The following CLEC16A variants were observed in gnomAD, a reference collection of about 807,000 sequenced individuals.
The protein encoded by CLEC16A is protein CLEC16A.
Under a neutral mutation model 109.5 loss-of-function variants are expected in CLEC16A, and 51 were observed. The observed-to-expected ratio is 0.47, with a 90% CI of 0.37 to 0.59. CLEC16A has a LOEUF of 0.59. Among genes scored for constraint, CLEC16A ranks in the 20% least tolerant of loss-of-function variants. CLEC16A has a pLI of 0.00. For synonymous variants in CLEC16A, 673 were observed against 564.2 expected, an observed-to-expected ratio of 1.19 and a Z score of -2.73; for missense variants, 1,339 against 1,394.0, an observed-to-expected ratio of 0.96 and a Z score of 0.63.
intron 9 of CLEC16A, among the ~76,000 whole-genome samples, chr16:10,981,000 G>A (rs925591049): frequency 2.0e-5 from 3 of 152,186 alleles, no homozygotes; most frequent in Non-Finnish European, 4.4e-5. Flanking sequence ...AACAGAGTGT[G>A]GTGTAGGCAG....
intron 1 of CLEC16A, among the ~76,000 whole-genome samples, chr16:10,945,712 G>A (rs966267691): frequency 6.6e-6 from 1 of 152,228 alleles, no homozygotes; most frequent in Non-Finnish European, 1.5e-5. Context: ...GTGGCCAGTA[G>A]TGGTAGCTGT....
Position 11,060,914 on chromosome 16 carries a change from T to C in CLEC16A, c.2008T>C (p.Phe670Leu). The change falls in exon 19 of 24, where the codon TTC becomes CTC. Residue 670 changes from phenylalanine to leucine, a missense_variant. By Grantham distance (22) the Phe-to-Leu change is conservative (BLOSUM62 0). This residue lies in a region of CLEC16A where 1,061 missense variants were observed against 1,006.8 expected (regional missense o/e 1.05). Coordinates refer to ENST00000409790, the MANE Select transcript of CLEC16A (RefSeq NM_015226.3). ...ACTGTTGGTCCAGGCCATCCGGGTGTTCTTCATGCTGCGTTCCCTGTCACT... is the reference window on the plus strand; with the variant it reads ...ACTGTTGGTCCAGGCCATCCGGGTGCTCTTCATGCTGCGTTCCCTGTCACT... ...VEKTRRAIRV[F>L]FMLRSLSLQL... The C allele has an allele frequency of 1.2e-6, 2 of 1,611,326 alleles. No homozygotes were observed. The highest frequency in any genetic ancestry group is 8.5e-7 in the Non-Finnish European group (1 of 1,178,706).
intron 10 of CLEC16A, among the ~76,000 whole-genome samples, chr16:11,001,944 G>A (rs996725213): frequency 1.8e-4 from 27 of 152,136 alleles, no homozygotes; most frequent in African/African-American, 6.5e-4. Flanking sequence ...TTTCTTTCTG[G>A]TTATTTATGT....
chr16:11,030,803 C>T (rs1324266376), intron 13 of CLEC16A, among the ~76,000 whole-genome samples: 1 of 152,186 alleles, frequency 6.6e-6, no homozygotes, highest in African/African-American at 2.4e-5. Context: ...CGCCACCACG[C>T]CCGGCTGATT....
chr16:11,100,375 T>C (rs2050849081), intron 19 of CLEC16A, among the ~76,000 whole-genome samples: 1 of 152,204 alleles, frequency 6.6e-6, no homozygotes, highest in African/African-American at 2.4e-5. Context: ...AAGGCGGTGA[T>C]GCACACGGCC....
intron 1 of CLEC16A, among the ~76,000 whole-genome samples, chr16:10,947,892 C>T (rs1156979907): frequency 6.7e-6 from 1 of 149,034 alleles, no homozygotes; most frequent in Non-Finnish European, 1.5e-5. Context: ...CATCTGGAAA[C>T]CCTCTTCTTT....
intron 3 of CLEC16A, among the ~76,000 whole-genome samples, chr16:10,965,425 C>T (rs2042453769): frequency 6.6e-6 from 1 of 152,212 alleles, no homozygotes; most frequent in Non-Finnish European, 1.5e-5. Flanking sequence ...GAATTCAACC[C>T]TAACGATCCA....
intron 19 of CLEC16A, among the ~76,000 whole-genome samples, chr16:11,062,738 C>G (rs1399797368): frequency 6.6e-6 from 1 of 152,164 alleles, no homozygotes; most frequent in Non-Finnish European, 1.5e-5. Context: ...AGCTGTGACG[C>G]CTCTCTGCCT....
chr16:11,072,476 G>T (rs2049129818), intron 19 of CLEC16A, among the ~76,000 whole-genome samples: 1 of 151,876 alleles, frequency 6.6e-6, no homozygotes, highest in Non-Finnish European at 1.5e-5. Flanking sequence ...AAAAGGAAGG[G>T]ACGAGAGAGA....
chr16:11,085,773 G>T (rs1317894021), intron 19 of CLEC16A, among the ~76,000 whole-genome samples: 3 of 152,158 alleles, frequency 2.0e-5, no homozygotes, highest in Non-Finnish European at 4.4e-5. Flanking sequence ...TGTATTTTTT[G>T]TAGAGAAAGG....
chr16:10,985,547 CTTTT>C (rs61260965), intron 10 of CLEC16A, among the ~76,000 whole-genome samples: 1 of 144,574 alleles, frequency 6.9e-6, no homozygotes, highest in Admixed American at 6.9e-5. Flanking sequence ...TCCCTCGGGA[CTTTT>C]TTTTTTTTTT....
intron 17 of CLEC16A, 118 bp from the exon 18 acceptor site, chr16:11,051,395 C>T: frequency 9.9e-7 from 1 of 1,011,484 alleles, no homozygotes; most frequent in East Asian, 2.4e-5. Flanking sequence ...GGATTTAGAT[C>T]ACTCATTTAC....
chr16:10,998,630 TG>T (rs759934844), intron 10 of CLEC16A, among the ~76,000 whole-genome samples: 1 of 152,184 alleles, frequency 6.6e-6, no homozygotes, highest in Non-Finnish European at 1.5e-5. Context: ...TGAGAAAGTT[TG>T]GCTTTTTTTC....
chr16:11,138,304 A>T (rs1010643006), intron 22 of CLEC16A, among the ~76,000 whole-genome samples: 3 of 152,204 alleles, frequency 2.0e-5, no homozygotes, highest in African/African-American at 7.2e-5. Context: ...GGCTTGGCAC[A>T]TGCAAAGGTG....
At chr16:11,029,097 G>A (rs2046590543) in intron 13 of CLEC16A, among the ~76,000 whole-genome samples, 1 of 152,152 alleles carries the variant, frequency 6.6e-6, no homozygotes, top group Non-Finnish European at 1.5e-5. Flanking sequence ...TGGGCTGATG[G>A]TTCAGTTAAT....
Position 10,962,375 on chromosome 16 carries a change from T to A in CLEC16A, c.210-80T>A, listed in dbSNP as rs1596762600. The A allele has an allele frequency of 6.4e-6, 10 of 1,558,956 alleles. No homozygotes were observed. In the East Asian group the frequency reaches 2.2e-4, roughly 35 times the overall value. ...GGGAGAGGGGTGAATCTAATACTTG[T>A]GTTGTGAATGAAACCAGATAATAAT... On this transcript the variant is annotated intron_variant, in intron 2 of 23. Coordinates refer to ENST00000409790, the MANE Select transcript of CLEC16A (RefSeq NM_015226.3).
At chr16:11,114,178 T>TGTGTGTGTGTGTGTGTG (rs1567337380) in intron 19 of CLEC16A, among the ~76,000 whole-genome samples, 4 of 145,320 alleles carry the variant, frequency 2.8e-5, no homozygotes, top group African/African-American at 5.1e-5. Flanking sequence ...TGTGTGTGTG[T>TGTGTGTGTGTGTGTGTG]TTATTGGCAA....
At chr16:11,155,117 C>T (rs992690159) in intron 22 of CLEC16A, among the ~76,000 whole-genome samples, 1 of 152,108 alleles carries the variant, frequency 6.6e-6, no homozygotes, top group Admixed American at 6.5e-5. Flanking sequence ...CAGAGTGAGA[C>T]CCTGTCTCCA....
intron 17 of CLEC16A, among the ~76,000 whole-genome samples, chr16:11,050,769 T>G (rs2047896893): frequency 6.6e-6 from 1 of 152,222 alleles, no homozygotes; most frequent in East Asian, 1.9e-4. Flanking sequence ...CACCAGCACC[T>G]GCCGTCCAGC....
Sources: allele counts gnomAD v4.1 joint callset (sites outside exome capture counted in the v4.1 genomes callset), GRCh38; gene constraint gnomAD v4.1.1; regional missense constraint gnomAD v4.1.1; transcripts MANE v1.5; gene names NCBI Gene and HGNC (gene_info 2026-07-23, HGNC 2026-07-21).